RSRP1: variants seen among roughly 807,000 people sequenced by gnomAD.
RSRP1 encodes the protein arginine/serine-rich protein 1.
In RSRP1, 37 loss-of-function variants were observed where a neutral mutation model predicts 33.0. The ratio of observed to expected loss-of-function variants is 1.12; its 90% CI spans 0.86 to 1.48. The LOEUF (loss-of-function observed/expected upper bound fraction) is 1.48. Ranked by LOEUF, RSRP1 falls within the 40% of genes most tolerant of loss-of-function variation. The pLI is 0.00. For missense variants in RSRP1, 402 were observed against 385.3 expected (o/e 1.04, Z -0.36); for synonymous variants, 167 against 158.7 (o/e 1.05, Z -0.40).
intron 1 of RSRP1, among the ~76,000 whole-genome samples, chr1:25,321,669 C>CAAAA (rs1644713001): frequency 8.2e-5 from 1 of 12,172 alleles, no homozygotes; most frequent in Non-Finnish European, 5.9e-4. Flanking sequence ...GACTCTGTCT[C>CAAAA]AAAATAAATA....
In RSRP1 at chr1:25,308,882, G is replaced by C. The variant is rs369127976; in HGVS notation, c.-67+29096C>G. ...GTCATGCAGCCTTAGTCCTGGTACT[G>C]AAACTCTCTAAATCTCAGTTTTCTA... On this transcript the variant is annotated intron_variant, in intron 1 of 1. Coordinates refer to the RSRP1 transcript ENST00000561867. 1.3e-3 allele frequency among the ~76,000 whole-genome samples: 172 copies of C among 130,938 alleles called. 17 individuals carry two copies. The highest frequency in any genetic ancestry group is 2.9e-3 in the African/African-American group (111 of 37,634). The allele number at this position is 130,938 out of a possible 152,430, so 85.9% of individuals were successfully genotyped here.
intron 1 of RSRP1, among the ~76,000 whole-genome samples, chr1:25,279,179 G>C (rs1393259459): frequency 8.0e-6 from 1 of 125,288 alleles, no homozygotes; most frequent in East Asian, 2.0e-4. Flanking sequence ...CAACAGGCCT[G>C]GGGGAGAGCA....
intron 3 of RSRP1, 158 bp from the exon 4 acceptor site, chr1:25,243,791 T>G: frequency 7.3e-7 from 1 of 1,374,650 alleles, no homozygotes; most frequent in Non-Finnish European, 9.4e-7. Context: ...AGTTTTCCCC[T>G]TAACAAAACT....
intron 1 of RSRP1, among the ~76,000 whole-genome samples, chr1:25,287,263 A>G (rs1206847439): frequency 1.5e-5 from 2 of 132,798 alleles, no homozygotes; most frequent in Admixed American, 7.3e-5. Context: ...CCTTAGCTTA[A>G]GGTCACACCA....
chr1:25,320,436 GA>G, intron 1 of RSRP1, among the ~76,000 whole-genome samples: 1 of 132,090 alleles, frequency 7.6e-6, no homozygotes, highest in East Asian at 2.0e-4. Flanking sequence ...CAGCTATCTG[GA>G]AAATTCATGC....
At chr1:25,270,944 C>A (rs1557505187) in intron 1 of RSRP1, among the ~76,000 whole-genome samples, 1 of 130,126 alleles carries the variant, frequency 7.7e-6, no homozygotes, top group African/African-American at 2.6e-5. Context: ...CGTGTGCTAA[C>A]ATATTATTTT....
intron 1 of RSRP1, among the ~76,000 whole-genome samples, chr1:25,263,115 G>C (rs1019248780): frequency 6.6e-6 from 1 of 152,146 alleles, no homozygotes; most frequent in African/African-American, 2.4e-5. Flanking sequence ...GAAGAAGTGA[G>C]CCATGTGGGT....
chr1:25,270,893 T>C lies in RSRP1; in HGVS notation c.-66-23864A>G, dbSNP rs1469302807. Among the ~76,000 whole-genome samples, 4 of 131,296 alleles carry C rather than the reference T, an allele frequency of 3.0e-5. No individual in the cohort carries two copies. In the East Asian group the frequency reaches 7.8e-4, roughly 26 times the overall value. 86.1% of individuals were successfully genotyped at this position (131,296 alleles called of 152,430 possible). ...GCTCTGAAAATGTATAAAGCAAAATTAACCAATGTTTTAGTGGTTTGCAGC... is the reference window on the plus strand; with the variant it reads ...GCTCTGAAAATGTATAAAGCAAAATCAACCAATGTTTTAGTGGTTTGCAGC... On this transcript the variant is annotated intron_variant, in intron 1 of 1. Transcript: ENST00000561867.
At position 25,310,410 on chromosome 1, in the gene RSRP1, A is replaced by G. The variant is rs1270338385; in HGVS notation, c.-67+27568T>C. 1.7e-4 allele frequency among the ~76,000 whole-genome samples: 22 copies of G among 132,758 alleles called. 3 individuals carry two copies. The highest frequency in any genetic ancestry group is 1.6e-3 in the Admixed American group (22 of 13,576). 87.1% of individuals were successfully genotyped at this position (132,758 alleles called of 152,430 possible). On this transcript the variant is annotated intron_variant, in intron 1 of 1. Transcript: ENST00000561867. Reference sequence around the variant, plus strand: ...GACTTCTCCATGTCATGATGCAGCAAGAAGGCCCTCACCAGATGGTGGCAC... The same window carrying G: ...GACTTCTCCATGTCATGATGCAGCAGGAAGGCCCTCACCAGATGGTGGCAC...
chr1:25,310,833 C>T (rs1339970330), intron 1 of RSRP1, among the ~76,000 whole-genome samples: 1 of 131,552 alleles, frequency 7.6e-6, no homozygotes, highest in Non-Finnish European at 1.8e-5. Flanking sequence ...ATTAGCTGGG[C>T]GTGGTGGCGC....
chr1:25,243,625 T>C lies in RSRP1; in HGVS notation c.681A>G (p.Glu227=), dbSNP rs367817345. 5.0e-6 allele frequency: 8 copies of C among 1,613,832 alleles called. No individual in the cohort carries two copies. The highest frequency in any genetic ancestry group is 6.8e-6 in the Non-Finnish European group (8 of 1,179,814). Residue 227 remains glutamate, a synonymous_variant, in exon 4 of 5, where the codon GAA becomes GAG. Transcript: ENST00000243189. ...TTCGAGTTCCATCTTCTGTTACCTT[T>C]TCCGACAGCTAGACAGGTTAAGAAA... is the stretch of plus-strand genomic sequence containing the variant. ...SSNGAKPELS[E]KVTEDGTRNP...
At position 25,311,530 on chromosome 1, in the gene RSRP1, G is replaced by GA. The variant is rs1388339490; in HGVS notation, c.-67+26447dup. Among the ~76,000 whole-genome samples the GA allele has an allele frequency of 1.8e-3, 222 of 120,266 alleles. 55 individuals carry two copies. Among genetic ancestry groups the GA allele is most frequent in the Non-Finnish European group, 3.7e-3 (186 of 50,672 alleles). 78.9% of individuals were successfully genotyped at this position (120,266 alleles called of 152,430 possible). ...ACAGAGCAAAACTCCGTCTCAAAAA[G>GA]AAAAAAAAAAGGAAGAAAGAAAATT... On this transcript the variant is annotated intron_variant, in intron 1 of 1. Transcript: ENST00000561867.
intron 1 of RSRP1, chr1:25,253,203 G>A (rs777026769): frequency 1.1e-4 from 16 of 152,060 alleles, no homozygotes; most frequent in African/African-American, 2.4e-4. Context: ...CCACCACATC[G>A]GTGCATACAG....
In RSRP1 at chr1:25,272,388, G is replaced by C; in HGVS notation, c.-66-25359C>G. The stretch of plus-strand genomic sequence containing the variant: ...TCCCCATCATAGTCCCTCTGCTTCC[G>C]TGTTAACTCCATAGAGAGGCCAGCA... On this transcript the variant is annotated intron_variant, in intron 1 of 1. Transcript: ENST00000561867. 23 of 1,024,914 alleles carry C rather than the reference G, an allele frequency of 2.2e-5. 2 individuals carry two copies. Among genetic ancestry groups the C allele is most frequent in the Non-Finnish European group, 3.3e-5 (23 of 694,260 alleles). 63.5% of individuals were successfully genotyped at this position (1,024,914 alleles called of 1,614,324 possible). A position where few individuals can be genotyped will look rare whatever the true frequency, so the allele number is the denominator to read the frequency against.
Position 25,266,745 on chromosome 1 carries a change from C to T in RSRP1, c.-66-19716G>A, listed in dbSNP as rs181096305. ...TGAAGTGAAAGGGGGTTCTGCTCCG[C>T]GACCACTTCCTGGATCTCCCCCTCC... On this transcript the variant is annotated intron_variant, in intron 1 of 1. Transcript: ENST00000561867. 163 of 159,636 alleles carry T rather than the reference C, an allele frequency of 1.0e-3. 35 individuals are homozygous for T. Among genetic ancestry groups the T allele is most frequent in the African/African-American group, 4.3e-3 (155 of 36,298 alleles). The allele number at this position is 159,636 out of a possible 1,614,324, so 9.9% of individuals were successfully genotyped here. A position where few individuals can be genotyped will look rare whatever the true frequency, so the allele number is the denominator to read the frequency against.
At position 25,269,759 on chromosome 1, in the gene RSRP1, AG is replaced by A. The variant is rs1640437816; in HGVS notation, c.-66-22731del. ...AAATCTGTTGGGAGAGGCCAACTGC[AG>A]GGATACCTCCCTTTTTTAATGAAAG... On this transcript the variant is annotated intron_variant, in intron 1 of 1. Coordinates refer to the RSRP1 transcript ENST00000561867. 3.0e-5 allele frequency among the ~76,000 whole-genome samples: 4 copies of A among 132,438 alleles called. 1 individual carries two copies. In the South Asian group the frequency reaches 9.2e-4, roughly 30 times the overall value. 86.9% of individuals were successfully genotyped at this position (132,438 alleles called of 152,430 possible).
rs1644175891 is a variant in RSRP1 at position 25,311,990 on chromosome 1, T to C, written c.-67+25988A>G. On this transcript the variant is annotated intron_variant, in intron 1 of 1. Transcript: ENST00000561867. ...TGGGGCCACCGCCAAGACCCCAGAA[T>C]GGTAGAGCTATCATAGTGCAATGCC... Among the ~76,000 whole-genome samples, 2 of 122,608 alleles carry C rather than the reference T, an allele frequency of 1.6e-5. 1 individual carries two copies. The highest frequency in any genetic ancestry group is 5.8e-5 in the African/African-American group (2 of 34,744). The allele number at this position is 122,608 out of a possible 152,430, so 80.4% of individuals were successfully genotyped here.
intron 1 of RSRP1, among the ~76,000 whole-genome samples, chr1:25,302,617 AG>A (rs1269172790): frequency 1.5e-5 from 2 of 129,994 alleles, no homozygotes; most frequent in African/African-American, 5.3e-5. Flanking sequence ...GGAGCAGTGA[AG>A]GACATAGCAG....
intron 1 of RSRP1, chr1:25,266,080 T>C (rs1480561826): frequency 8.0e-6 from 1 of 125,732 alleles, no homozygotes; most frequent in Non-Finnish European, 1.9e-5. Flanking sequence ...ATAGGGAAAA[T>C]GGAGGGGTTA....
Sources: gnomAD v4.1 joint callset for allele counts (sites outside exome capture counted in the v4.1 genomes callset) on GRCh38, gnomAD v4.1.1 for gene constraint, MANE v1.5 for transcripts, NCBI Gene and HGNC (gene_info 2026-07-23, HGNC 2026-07-21) for gene names.